The following ANKRD12 variants were observed in gnomAD, a reference collection of about 807,000 sequenced individuals.
ANKRD12 encodes the protein ankyrin repeat domain-containing protein 12.
A neutral mutation model predicts 183.4 loss-of-function variants in ANKRD12; 85 were observed. The ratio of observed to expected loss-of-function variants is 0.46; its 90% CI spans 0.39 to 0.56. ANKRD12 has a LOEUF of 0.56. ANKRD12 is among the 20% of genes least tolerant of loss of function. The pLI, the probability that ANKRD12 is intolerant of heterozygous loss-of-function variation, is 0.00. For missense variants in ANKRD12, 2,405 were observed against 2,357.1 expected (o/e 1.02, Z -0.42); for synonymous variants, 914 against 800.2 (o/e 1.14, Z -2.40).
intron 6 of ANKRD12, among the ~76,000 whole-genome samples, chr18:9,214,162 GA>G (rs1219608039): frequency 3.3e-5 from 5 of 151,826 alleles, no homozygotes; most frequent in African/African-American, 4.8e-5. Context: ...GTGAAAATAG[GA>G]AAAAATTAAA....
At chr18:9,153,817 T>A (rs2029966460) in intron 1 of ANKRD12, among the ~76,000 whole-genome samples, 1 of 152,160 alleles carries the variant, frequency 6.6e-6, no homozygotes, top group Admixed American at 6.5e-5. Context: ...TGATGTCTTC[T>A]GGGACTGTCT....
At chr18:9,156,685 A>G (rs78977457) in intron 1 of ANKRD12, among the ~76,000 whole-genome samples, 1,613 of 152,354 alleles carry the variant, frequency 0.011, 33 homozygotes, top group African/African-American at 0.037. Context: ...TTATAGCAGC[A>G]TTATTCACAA....
In ANKRD12 at chr18:9,279,579, C is replaced by T. The variant is rs1298887548; in HGVS notation, c.5938C>T (p.Arg1980Cys). 1.9e-6 allele frequency: 3 copies of T among 1,605,512 alleles called. No homozygotes were observed. Among genetic ancestry groups the T allele is most frequent in the Non-Finnish European group, 1.7e-6 (2 of 1,177,244 alleles). Residue 1980 changes from arginine (R) to cysteine (C), a missense_variant, in exon 12 of 13, where the codon CGC becomes TGC. Transcript: ENST00000262126. The stretch of plus-strand genomic sequence containing the variant: ...TGACAGTAAAACTTCTGTGAGGGAT[C>T]GCTTTAATGCAAGACAATTCATGTC... ...SDDSKTSVRD[R>C]FNARQFMSWL...
chr18:9,222,399 C>T (rs2036470235), intron 8 of ANKRD12, among the ~76,000 whole-genome samples: 1 of 151,436 alleles, frequency 6.6e-6, no homozygotes, highest in Non-Finnish European at 1.5e-5. Flanking sequence ...CGAGTCATCT[C>T]TGTGATTTTA....
intron 1 of ANKRD12, among the ~76,000 whole-genome samples, chr18:9,149,801 T>A (rs1031163919): frequency 2.0e-4 from 30 of 148,036 alleles, no homozygotes; most frequent in Middle Eastern, 3.4e-3. Flanking sequence ...AAATTTTATT[T>A]TTTTTTTTTT....
chr18:9,242,608 C>T (rs1463296032), intron 8 of ANKRD12, among the ~76,000 whole-genome samples: 3 of 151,998 alleles, frequency 2.0e-5, no homozygotes, highest in East Asian at 1.9e-4. Context: ...TTTCCTTTAG[C>T]GACATCAAAA....
chr18:9,283,371 G>C lies in ANKRD12; in HGVS notation c.*2245G>C, dbSNP rs940257698. The C allele has an allele frequency of 2.0e-5, 3 of 152,150 alleles. No individual in the cohort carries two copies. The highest frequency in any genetic ancestry group is 4.4e-5 in the Non-Finnish European group (3 of 68,004). 9.4% of individuals were successfully genotyped at this position (152,150 alleles called of 1,614,324 possible). On this transcript the variant is annotated 3_prime_UTR_variant, in exon 13 of 13. Coordinates refer to ENST00000262126, the MANE Select transcript of ANKRD12 (RefSeq NM_015208.5). ...TCTTAAATGGTACCTCAAAAAGCTG[G>C]AGCCTCTCTGCCATGATTATGCTTC...
chr18:9,246,847 G>T (rs2037991742), intron 8 of ANKRD12, among the ~76,000 whole-genome samples: 1 of 152,122 alleles, frequency 6.6e-6, no homozygotes, highest in Admixed American at 6.6e-5. Context: ...AAACAGTCCT[G>T]TGAGTATTAA....
chr18:9,191,584 C>G (rs1300257571), intron 2 of ANKRD12, among the ~76,000 whole-genome samples: 1 of 152,000 alleles, frequency 6.6e-6, no homozygotes, highest in Admixed American at 6.5e-5. Context: ...AACAATGATT[C>G]ATTTTCTGAG....
At chr18:9,265,073 G>A (rs1019773002) in intron 10 of ANKRD12, among the ~76,000 whole-genome samples, 2 of 151,150 alleles carry the variant, frequency 1.3e-5, no homozygotes, top group Non-Finnish European at 3.0e-5. Context: ...GAGCGAGGCT[G>A]GGGGAGGGGC....
At chr18:9,201,521 G>A (rs1472354948) in intron 3 of ANKRD12, among the ~76,000 whole-genome samples, 2 of 152,202 alleles carry the variant, frequency 1.3e-5, no homozygotes, top group Non-Finnish European at 2.9e-5. Flanking sequence ...GTTCCCAAGA[G>A]TAGGGTTACA....
chr18:9,235,865 A>G (rs1410126518), intron 8 of ANKRD12: 1 of 301,918 alleles, frequency 3.3e-6, no homozygotes, highest in Non-Finnish European at 6.8e-6. Flanking sequence ...TATGTGTTTA[A>G]TAGTTGATTT....
chr18:9,153,585 C>A (rs1186645083), intron 1 of ANKRD12, among the ~76,000 whole-genome samples: 11 of 152,092 alleles, frequency 7.2e-5, no homozygotes, highest in Admixed American at 7.2e-4. Flanking sequence ...AATCTGAGTT[C>A]TTTCACCTTT....
At position 9,281,077 on chromosome 18, in the gene ANKRD12, A is replaced by T; in HGVS notation, c.6140A>T (p.Tyr2047Phe). ...SISIYEIQEF[Y>F]VPLVDVNDDF... ...AGCATTTACGAAATCCAGGAGTTTT[A>T]TGTTCCCCTTGTTGATGTTAACGAC... Residue 2047 changes from tyrosine to phenylalanine, a missense_variant, in exon 13 of 13, where the codon TAT (tyrosine) becomes TTT (phenylalanine). This residue lies in a region of ANKRD12 where 162 missense variants were observed against 272.2 expected (regional missense o/e 0.60). Coordinates refer to ENST00000262126, the MANE Select transcript of ANKRD12 (RefSeq NM_015208.5). The T allele has an allele frequency of 1.2e-6, 2 of 1,614,050 alleles. No homozygotes were observed. Among genetic ancestry groups the T allele is most frequent in the Non-Finnish European group, 1.7e-6 (2 of 1,180,004 alleles).
intron 9 of ANKRD12, among the ~76,000 whole-genome samples, chr18:9,262,133 T>G (rs1230911539): frequency 6.6e-6 from 1 of 152,210 alleles, no homozygotes; most frequent in Non-Finnish European, 1.5e-5. Context: ...TTTCAGTCTC[T>G]CATAATGCTG....
At chr18:9,207,065 A>G (rs970133979) in intron 4 of ANKRD12, among the ~76,000 whole-genome samples, 1 of 152,084 alleles carries the variant, frequency 6.6e-6, no homozygotes, top group Non-Finnish European at 1.5e-5. Flanking sequence ...ATAGTTAAAG[A>G]TTTGTTATTC....
Position 9,256,631 on chromosome 18 carries a change from G to A in ANKRD12, c.3364G>A (p.Asp1122Asn), listed in dbSNP as rs762291647. 1.9e-6 allele frequency: 3 copies of A among 1,605,550 alleles called. No individual in the cohort carries two copies. Among genetic ancestry groups the A allele is most frequent in the Non-Finnish European group, 1.7e-6 (2 of 1,177,986 alleles). Residue 1122 changes from aspartate (D) to asparagine (N), a missense_variant, in exon 9 of 13, where the codon GAT (aspartate) becomes AAT (asparagine). Physicochemically the swap from Asp to Asn is conservative, Grantham distance 23 (BLOSUM62 1). Coordinates refer to ENST00000262126, the MANE Select transcript of ANKRD12 (RefSeq NM_015208.5). ...NRNCLELKIK[D>N]KEKTKHTPTE... ...AAACTGTTTAGAACTTAAAATAAAA[G>A]ATAAAGAAAAAACAAAGCATACACC...
intron 1 of ANKRD12, among the ~76,000 whole-genome samples, chr18:9,150,100 G>T (rs2078636235): frequency 6.6e-6 from 1 of 152,030 alleles, no homozygotes; most frequent in African/African-American, 2.4e-5. Flanking sequence ...GGCCTGTAAT[G>T]TATTTATTTT....
chr18:9,199,352 A>T (rs2035033438), intron 3 of ANKRD12, among the ~76,000 whole-genome samples: 1 of 152,222 alleles, frequency 6.6e-6, no homozygotes, highest in South Asian at 2.1e-4. Context: ...ATTTGCATTA[A>T]AATTGTAATT....
Sources: gnomAD v4.1 joint callset for allele counts (sites outside exome capture counted in the v4.1 genomes callset) on GRCh38, gnomAD v4.1.1 for gene constraint, gnomAD v4.1.1 regional missense constraint, MANE v1.5 for transcripts, NCBI Gene and HGNC (gene_info 2026-07-23, HGNC 2026-07-21) for gene names.